Variants in R3HDM1 observed in about 807,000 individuals in gnomAD.
R3HDM1 encodes R3H domain containing 1, also known as R3H domain-containing protein 1.
In R3HDM1, 46 loss-of-function variants were observed where a neutral mutation model predicts 141.1. That is an observed-to-expected ratio of 0.33 (90% CI 0.26 to 0.42). The LOEUF (loss-of-function observed/expected upper bound fraction) is 0.42. Among genes scored for constraint, R3HDM1 ranks in the 10% least tolerant of loss-of-function variants. The pLI is 1.00. For synonymous variants in R3HDM1, 435 were observed against 472.9 expected (o/e 0.92, Z 1.04); for missense variants, 1,184 against 1,368.3 (o/e 0.87, Z 2.12).
chr2:135,630,281 CAA>C (rs911009655), intron 7 of R3HDM1, among the ~76,000 whole-genome samples: 1,067 of 39,096 alleles, frequency 0.027, no homozygotes, highest in African/African-American at 0.091. Context: ...CCTTCTCAAC[CAA>C]AAAAAAAAAA....
chr2:135,622,890 A>G (rs1412341850), intron 7 of R3HDM1, 158 bp downstream of exon 7: 1 of 983,782 alleles, frequency 1.0e-6, no homozygotes, highest in Non-Finnish European at 1.2e-6. Context: ...TTGTTGGTCT[A>G]GTATATGCAA....
At chr2:135,559,745 A>G (rs1170520524) in intron 1 of R3HDM1, among the ~76,000 whole-genome samples, 1 of 152,206 alleles carries the variant, frequency 6.6e-6, no homozygotes, top group Non-Finnish European at 1.5e-5. Flanking sequence ...TAGTTGATTG[A>G]AGGAACTGTC....
chr2:135,715,218 G>A (rs1017757459), intron 23 of R3HDM1, among the ~76,000 whole-genome samples: 7 of 152,064 alleles, frequency 4.6e-5, no homozygotes, highest in South Asian at 2.1e-4. Flanking sequence ...GCATGGTGGC[G>A]GGTGCCTGTA....
At chr2:135,540,047 A>G (rs909174483) in intron 1 of R3HDM1, among the ~76,000 whole-genome samples, 5 of 152,350 alleles carry the variant, frequency 3.3e-5, no homozygotes, top group African/African-American at 9.6e-5. Context: ...TTTCCTACTA[A>G]TTTACAACTA....
At chr2:135,543,555 A>G (rs1233253768) in intron 1 of R3HDM1, among the ~76,000 whole-genome samples, 4 of 152,136 alleles carry the variant, frequency 2.6e-5, no homozygotes, top group African/African-American at 9.7e-5. Flanking sequence ...ATGTAAGTCA[A>G]TGTGGATAGT....
chr2:135,580,089 T>C (rs974852474), intron 1 of R3HDM1, among the ~76,000 whole-genome samples: 1 of 151,996 alleles, frequency 6.6e-6, no homozygotes, highest in Non-Finnish European at 1.5e-5. Flanking sequence ...CAAAAACCTG[T>C]CTCTACAAAA....
rs1237797444 is a variant in R3HDM1 at position 135,649,908 on chromosome 2, C to A, written c.1630C>A (p.His544Asn). 1 of 1,258,900 alleles carries A rather than the reference C, an allele frequency of 7.9e-7. No homozygotes were observed. Among genetic ancestry groups the A allele is most frequent in the Non-Finnish European group, 1.0e-6 (1 of 966,082 alleles). 78.0% of individuals were successfully genotyped at this position (1,258,900 alleles called of 1,614,324 possible). A position where few individuals can be genotyped will look rare whatever the true frequency, so the allele number is the denominator to read the frequency against. The change falls in exon 17 of 27, where the codon CAT becomes AAT. Residue 544 changes from histidine (H) to asparagine (N), a missense_variant. Physicochemically the swap from His to Asn is moderately conservative, Grantham distance 68. Transcript: ENST00000683871. ...CCAACCTGTTATTCTTTAGCCTGTT[C>A]ATCCTCTGCAGTCCTCTTCACAGCC... ...AANHIFSQPV[H>N]PLQSSSQPVQ...
At chr2:135,670,882 A>C (rs529959029) in intron 19 of R3HDM1, among the ~76,000 whole-genome samples, 2 of 152,060 alleles carry the variant, frequency 1.3e-5, no homozygotes, top group South Asian at 4.2e-4. Context: ...AACATGGCGA[A>C]ACCCTGAATC....
At chr2:135,675,079 T>C (rs936140562) in intron 19 of R3HDM1, among the ~76,000 whole-genome samples, 1 of 152,174 alleles carries the variant, frequency 6.6e-6, no homozygotes, top group Non-Finnish European at 1.5e-5. Flanking sequence ...CTATGTTATC[T>C]AAGTGTGTGA....
intron 21 of R3HDM1, among the ~76,000 whole-genome samples, chr2:135,696,866 A>G (rs1263449158): frequency 2.6e-5 from 4 of 152,222 alleles, no homozygotes; most frequent in Non-Finnish European, 5.9e-5. Flanking sequence ...ACAAATTATT[A>G]AAAACAAGAG....
intron 1 of R3HDM1, among the ~76,000 whole-genome samples, chr2:135,566,150 C>T (rs1559134778): frequency 6.6e-6 from 1 of 152,126 alleles, no homozygotes; most frequent in Non-Finnish European, 1.5e-5. Flanking sequence ...ATTAAAATAA[C>T]TTATGATTCA....
chr2:135,714,282 G>C (rs1380629566), intron 23 of R3HDM1, among the ~76,000 whole-genome samples: 2 of 152,152 alleles, frequency 1.3e-5, no homozygotes, highest in Non-Finnish European at 2.9e-5. Context: ...TACTTCTCTG[G>C]TGTTCCTTTC....
Position 135,611,880 on chromosome 2 carries a change from AC to A in R3HDM1, c.172-4271del, listed in dbSNP as rs2060583335. 3.3e-5 allele frequency among the ~76,000 whole-genome samples: 5 copies of A among 152,300 alleles called. 1 individual carries two copies. In the South Asian group the frequency reaches 1.0e-3, roughly 32 times the overall value. On this transcript the variant is annotated intron_variant, in intron 3 of 26. Coordinates refer to ENST00000683871, the MANE Select transcript of R3HDM1 (RefSeq NM_001378107.1). Reference sequence around the variant, plus strand: ...TGTAGATGTAGAAATGCTTTTGCATACTTACCGTTTGTACTTCTTTGGATAA... The same window carrying A: ...TGTAGATGTAGAAATGCTTTTGCATATTACCGTTTGTACTTCTTTGGATAA...
intron 21 of R3HDM1, among the ~76,000 whole-genome samples, chr2:135,688,545 G>A (rs932175537): frequency 2.0e-5 from 3 of 152,048 alleles, no homozygotes; most frequent in African/African-American, 7.2e-5. Flanking sequence ...ATAGTGGACA[G>A]CATTGTTGTG....
At chr2:135,642,025 AT>A (rs2063838519) in intron 15 of R3HDM1, among the ~76,000 whole-genome samples, 1 of 152,158 alleles carries the variant, frequency 6.6e-6, no homozygotes, top group Admixed American at 6.5e-5. Flanking sequence ...TACTAGCCCA[AT>A]TATAATTTTT....
At chr2:135,614,856 C>T (rs2060876359) in intron 3 of R3HDM1, among the ~76,000 whole-genome samples, 1 of 151,582 alleles carries the variant, frequency 6.6e-6, no homozygotes. Flanking sequence ...GCATCTACCA[C>T]CTAGACTAGA....
chr2:135,635,574 C>T (rs1446814367), intron 9 of R3HDM1, among the ~76,000 whole-genome samples: 2 of 152,072 alleles, frequency 1.3e-5, no homozygotes, highest in Non-Finnish European at 2.9e-5. Flanking sequence ...ATAAAGAAAC[C>T]GGGAAAGAGA....
At chr2:135,533,951 A>C in intron 1 of R3HDM1, 1 of 967,626 alleles carries the variant, frequency 1.0e-6, no homozygotes, top group Non-Finnish European at 1.2e-6. Flanking sequence ...TTGTGCAATA[A>C]ATATTAACTG....
chr2:135,563,462 T>G (rs990204514), intron 1 of R3HDM1, among the ~76,000 whole-genome samples: 1 of 152,250 alleles, frequency 6.6e-6, no homozygotes, highest in Non-Finnish European at 1.5e-5. Context: ...AGCATATGTC[T>G]TCCTTTCGGT....
Sources: gnomAD v4.1 joint callset for allele counts (sites outside exome capture counted in the v4.1 genomes callset) on GRCh38, gnomAD v4.1.1 for gene constraint, MANE v1.5 for transcripts, NCBI Gene and HGNC (gene_info 2026-07-23, HGNC 2026-07-21) for gene names.